The following MBD5 variants were observed in gnomAD, a reference collection of about 807,000 sequenced individuals.
The protein encoded by MBD5 is methyl-CpG-binding domain protein 5.
MBD5 carries 13 observed loss-of-function variants against 117.3 expected under a neutral mutation model. That is an observed-to-expected ratio of 0.11 (90% CI 0.07 to 0.18). MBD5 has a LOEUF of 0.18. Ranked by LOEUF, MBD5 falls within the 10% of genes least tolerant of loss-of-function variation. The pLI is 1.00. For missense variants in MBD5, 1,879 were observed against 2,093.8 expected, an observed-to-expected ratio of 0.90 and a Z score of 2.00; for synonymous variants, 727 against 766.4, an observed-to-expected ratio of 0.95 and a Z score of 0.85.
chr2:148,206,271 C>T (rs1358019934), intron 2 of MBD5, among the ~76,000 whole-genome samples: 4 of 152,090 alleles, frequency 2.6e-5, no homozygotes, highest in Non-Finnish European at 4.4e-5. Context: ...GTCACATTAT[C>T]ATTTAACATT....
chr2:148,067,358 G>A (rs1695231705), intron 1 of MBD5, among the ~76,000 whole-genome samples: 1 of 152,074 alleles, frequency 6.6e-6, no homozygotes, highest in East Asian at 1.9e-4. Context: ...TGTCATAATT[G>A]ATTTTCTTTA....
intron 4 of MBD5, among the ~76,000 whole-genome samples, chr2:148,389,149 A>G (rs1162863665): frequency 6.7e-6 from 1 of 148,808 alleles, no homozygotes; most frequent in Non-Finnish European, 1.5e-5. Context: ...TGCAAAGGAC[A>G]TAATTTCATT....
chr2:148,068,171 C>G (rs529255110), intron 1 of MBD5, among the ~76,000 whole-genome samples: 1 of 152,244 alleles, frequency 6.6e-6, no homozygotes, highest in East Asian at 1.9e-4. Flanking sequence ...TGATGTAAAT[C>G]TCAAGTTGTA....
At position 148,458,699 on chromosome 2, in the gene MBD5, T is replaced by C. The variant is rs1386276800; in HGVS notation, c.-60T>C. 11 of 1,425,890 alleles carry C rather than the reference T, an allele frequency of 7.7e-6. No individual in the cohort carries two copies. The highest frequency in any genetic ancestry group is 1.1e-5 in the Non-Finnish European group (11 of 1,009,088). 88.3% of individuals were successfully genotyped at this position (1,425,890 alleles called of 1,614,324 possible). A position where few individuals can be genotyped will look rare whatever the true frequency, so the allele number is the denominator to read the frequency against. ...CACTTTTGAAGGCCATCATGCTCTG[T>C]AATATAAGGATATCATCTTATTGCT... is the stretch of plus-strand genomic sequence containing the variant. On this transcript the variant is annotated 5_prime_UTR_variant, in exon 5 of 14. Coordinates refer to ENST00000642680, the MANE Select transcript of MBD5 (RefSeq NM_001378120.1).
intron 1 of MBD5, among the ~76,000 whole-genome samples, chr2:148,030,285 A>G (rs183576113): frequency 1.4e-4 from 21 of 152,250 alleles, no homozygotes; most frequent in South Asian, 6.2e-4. Context: ...ATAAGAAAAA[A>G]AAAAGTTGGG....
intron 1 of MBD5, among the ~76,000 whole-genome samples, chr2:148,139,715 C>T (rs1697266181): frequency 6.6e-6 from 1 of 152,092 alleles, no homozygotes; most frequent in South Asian, 2.1e-4. Context: ...GATGACTTCT[C>T]CACTTTTAAA....
At chr2:148,298,246 G>C (rs1294312681) in intron 3 of MBD5, among the ~76,000 whole-genome samples, 3 of 152,198 alleles carry the variant, frequency 2.0e-5, no homozygotes, top group African/African-American at 7.2e-5. Context: ...TTTTACATCT[G>C]CAATACATAG....
At chr2:148,259,511 CA>C (rs1700680698) in intron 3 of MBD5, among the ~76,000 whole-genome samples, 1 of 152,176 alleles carries the variant, frequency 6.6e-6, no homozygotes, top group Non-Finnish European at 1.5e-5. Context: ...ACCAAAGGTT[CA>C]CTTACCTCAG....
chr2:148,091,823 TTAAAC>T lies in MBD5; in HGVS notation c.-925+70144_-925+70148del, dbSNP rs1695951058. ...ACAAAGATAAACGGATGGGACCTAA[TTAAAC>T]TAAAAAGTTTCTGCACAGCAGAAGA... is the stretch of plus-strand genomic sequence containing the variant. On this transcript the variant is annotated intron_variant, in intron 1 of 13. Coordinates refer to ENST00000642680, the MANE Select transcript of MBD5 (RefSeq NM_001378120.1). Among the ~76,000 whole-genome samples, 3 of 152,160 alleles carry T rather than the reference TTAAAC, an allele frequency of 2.0e-5. No homozygotes were observed. The South Asian group carries it at 6.2e-4, about 31-fold the overall frequency.
At chr2:148,424,177 C>CAAAAAAAAAAAAAAAAAAAAAAAAAAA (rs56740583) in intron 4 of MBD5, among the ~76,000 whole-genome samples, 2 of 53,442 alleles carry the variant, frequency 3.7e-5, no homozygotes, top group Admixed American at 2.0e-4. Flanking sequence ...GACTCTGTCT[C>CAAAAAAAAAAAAAAAAAAAAAAAAAAA]AAAAAAAAAA....
At chr2:148,124,802 T>C (rs1315838967) in intron 1 of MBD5, among the ~76,000 whole-genome samples, 3 of 152,052 alleles carry the variant, frequency 2.0e-5, no homozygotes, top group African/African-American at 7.2e-5. Context: ...TTGATGTATC[T>C]ATTTAATTTA....
At chr2:148,146,003 G>C (rs114084500) in intron 1 of MBD5, among the ~76,000 whole-genome samples, 3,967 of 152,096 alleles carry the variant, frequency 0.026, 101 homozygotes, top group African/African-American at 0.067. Context: ...TCTATTGATT[G>C]GTACCATTCC....
intron 1 of MBD5, among the ~76,000 whole-genome samples, chr2:148,118,351 T>C (rs918017038): frequency 3.3e-5 from 5 of 152,046 alleles, no homozygotes; most frequent in Non-Finnish European, 5.9e-5. Flanking sequence ...GGCTCATGCA[T>C]GCAGTCCCAT....
chr2:148,436,984 T>G (rs1406880993), intron 4 of MBD5, among the ~76,000 whole-genome samples: 1 of 151,924 alleles, frequency 6.6e-6, no homozygotes, highest in Non-Finnish European at 1.5e-5. Context: ...ATGTTTTTAT[T>G]TATTTTTTAT....
At chr2:148,258,286 A>G (rs184355879) in intron 3 of MBD5, among the ~76,000 whole-genome samples, 2 of 152,302 alleles carry the variant, frequency 1.3e-5, no homozygotes, top group Non-Finnish European at 1.5e-5. Context: ...CACACAGTAT[A>G]TAAACGGGGA....
intron 4 of MBD5, among the ~76,000 whole-genome samples, chr2:148,415,808 A>G (rs1440577159): frequency 2.6e-5 from 4 of 152,176 alleles, no homozygotes; most frequent in Admixed American, 2.6e-4. Flanking sequence ...TTTCAACTCT[A>G]TCAGATCAGT....
intron 4 of MBD5, among the ~76,000 whole-genome samples, chr2:148,377,555 A>G (rs1027974229): frequency 1.3e-5 from 2 of 152,210 alleles, no homozygotes; most frequent in Non-Finnish European, 2.9e-5. Flanking sequence ...TGCCTTGTAT[A>G]ACTATTACAC....
intron 1 of MBD5, among the ~76,000 whole-genome samples, chr2:148,091,123 A>G (rs1311531798): frequency 2.6e-5 from 4 of 152,124 alleles, no homozygotes; most frequent in Non-Finnish European, 5.9e-5. Flanking sequence ...AAAGGCCTCT[A>G]CAAGGAAACA....
chr2:148,229,307 A>AT (rs1222936214), intron 2 of MBD5, among the ~76,000 whole-genome samples: 1 of 151,432 alleles, frequency 6.6e-6, no homozygotes, highest in African/African-American at 2.4e-5. Context: ...TGGCAGTTGC[A>AT]TTTTTCAGCT....
Sources: allele counts gnomAD v4.1 joint callset (sites outside exome capture counted in the v4.1 genomes callset), GRCh38; gene constraint gnomAD v4.1.1; transcripts MANE v1.5; gene names NCBI Gene and HGNC (gene_info 2026-07-23, HGNC 2026-07-21).